Variants in EDIL3 observed in about 807,000 individuals in gnomAD.
EDIL3 encodes the protein EGF like and discoidin domains 3.
EDIL3 carries 37 observed loss-of-function variants against 67.4 expected under a neutral mutation model. That is an observed-to-expected ratio of 0.55 (90% confidence interval 0.42 to 0.72). The LOEUF is 0.72. Among genes scored for constraint, EDIL3 ranks in the 30% least tolerant of loss-of-function variants. The pLI is 0.00. For missense variants in EDIL3, 527 were observed against 586.3 expected (o/e 0.90, Z 1.04); for synonymous variants, 195 against 196.3 (o/e 0.99, Z 0.05).
intron 1 of EDIL3, among the ~76,000 whole-genome samples, chr5:84,292,979 C>T (rs1745954109): frequency 6.6e-6 from 1 of 152,136 alleles, no homozygotes; most frequent in Admixed American, 6.6e-5. Context: ...CCAGACGTTG[C>T]CTAAAGTTTC....
rs201245990 is a variant in EDIL3, at chr5:83,963,334, C to T, written c.1164G>A (p.Val388=). Residue 388 remains valine (V), a synonymous_variant, in exon 10 of 11, where the codon GTG becomes GTA. Coordinates refer to ENST00000296591, the MANE Select transcript of EDIL3 (RefSeq NM_005711.5). The stretch of plus-strand genomic sequence containing the variant: ...TAGCTCCTTGTGTAATGATGCCAGT[C>T]ACTTTGGTTGGAACAAGAAGATCCA... ...LQVDLLVPTK[V]TGIITQGAKD... The T allele has an allele frequency of 1.9e-6, 3 of 1,607,514 alleles. No homozygotes were observed. Among genetic ancestry groups the T allele is most frequent in the East Asian group, 4.5e-5 (2 of 44,484 alleles).
At chr5:84,124,097 A>C (rs1747822416) in intron 5 of EDIL3, among the ~76,000 whole-genome samples, 1 of 151,950 alleles carries the variant, frequency 6.6e-6, no homozygotes, top group Non-Finnish European at 1.5e-5. Flanking sequence ...GCCTGAACTT[A>C]TCAAATGCCC....
intron 1 of EDIL3, among the ~76,000 whole-genome samples, chr5:84,307,306 C>G (rs1444814292): frequency 6.6e-6 from 1 of 151,914 alleles, no homozygotes; most frequent in Non-Finnish European, 1.5e-5. Flanking sequence ...AAAAAAGTCA[C>G]AGTGAAGAAA....
intron 1 of EDIL3, among the ~76,000 whole-genome samples, chr5:84,285,434 C>A (rs1745790407): frequency 6.6e-6 from 1 of 152,198 alleles, no homozygotes; most frequent in South Asian, 2.1e-4. Context: ...AGAAGCATTA[C>A]TAGTTAGAAA....
At position 83,940,970 on chromosome 5, in the gene EDIL3, T is replaced by A. The variant is rs1056087633; in HGVS notation, c.*2449A>T. On this transcript the variant is annotated 3_prime_UTR_variant, in exon 11 of 11. Transcript: ENST00000296591. ...GAGATGTTTAAAAGTTTAGTTTCAT[T>A]AATTGTAAAATTAGCATGTTATATT... The A allele has an allele frequency of 3.3e-5, 5 of 152,052 alleles. No homozygotes were observed. The highest frequency in any genetic ancestry group is 1.2e-4 in the African/African-American group (5 of 41,462). 9.4% of individuals were successfully genotyped at this position (152,052 alleles called of 1,614,324 possible).
chr5:84,351,070 C>A (rs1455564413), intron 1 of EDIL3, among the ~76,000 whole-genome samples: 1 of 152,034 alleles, frequency 6.6e-6, no homozygotes, highest in African/African-American at 2.4e-5. Flanking sequence ...CATTGGACAG[C>A]ACAGCTCTAG....
At chr5:84,038,081 C>A (rs1158073245) in intron 9 of EDIL3, among the ~76,000 whole-genome samples, 1 of 145,172 alleles carries the variant, frequency 6.9e-6, no homozygotes, top group East Asian at 2.1e-4. Flanking sequence ...CAGCTCACTG[C>A]AAACTCTGCC....
At chr5:84,217,325 T>C (rs535084603) in intron 3 of EDIL3, among the ~76,000 whole-genome samples, 54 of 152,274 alleles carry the variant, frequency 3.5e-4, no homozygotes, top group African/African-American at 1.3e-3. Context: ...CTTTGGTAAA[T>C]AAAACAGTTT....
chr5:84,238,450 C>T (rs1044263743), intron 2 of EDIL3, among the ~76,000 whole-genome samples: 22 of 151,744 alleles, frequency 1.4e-4, no homozygotes, highest in African/African-American at 4.8e-4. Flanking sequence ...GAGATATTTC[C>T]GTGAAATCTG....
chr5:84,102,473 C>A (rs1580327780), intron 6 of EDIL3, among the ~76,000 whole-genome samples: 2 of 151,866 alleles, frequency 1.3e-5, no homozygotes, highest in African/African-American at 4.8e-5. Context: ...CCCGAATGAT[C>A]CTTAAGCTGA....
chr5:84,061,790 C>T (rs897362658), intron 8 of EDIL3, among the ~76,000 whole-genome samples: 1 of 152,130 alleles, frequency 6.6e-6, no homozygotes, highest in African/African-American at 2.4e-5. Flanking sequence ...CTCATCCCAA[C>T]AGATGGCAAT....
intron 1 of EDIL3, among the ~76,000 whole-genome samples, chr5:84,377,142 C>T (rs1237329039): frequency 1.3e-5 from 2 of 151,926 alleles, no homozygotes; most frequent in Non-Finnish European, 2.9e-5. Flanking sequence ...CTGGCTAACA[C>T]GGTGAAACCC....
At chr5:83,954,339 T>C (rs1744473843) in intron 10 of EDIL3, among the ~76,000 whole-genome samples, 1 of 151,742 alleles carries the variant, frequency 6.6e-6, no homozygotes, top group Non-Finnish European at 1.5e-5. Context: ...CGATCCTCAA[T>C]GTTGGAGCTG....
chr5:84,065,608 G>A (rs1172609848), intron 7 of EDIL3, among the ~76,000 whole-genome samples: 1 of 150,816 alleles, frequency 6.6e-6, no homozygotes. Context: ...TAAAATTTTC[G>A]ATGAAGAACT....
At chr5:84,173,561 T>C (rs1748849588) in intron 4 of EDIL3, among the ~76,000 whole-genome samples, 2 of 151,428 alleles carry the variant, frequency 1.3e-5, no homozygotes, top group African/African-American at 4.9e-5. Flanking sequence ...TAAAAACAGG[T>C]TAGGACAGAA....
intron 2 of EDIL3, 149 bp from the exon 3 acceptor site, chr5:84,230,033 G>C: frequency 1.6e-6 from 1 of 631,814 alleles, no homozygotes; most frequent in Non-Finnish European, 2.6e-6. Context: ...CCCCTGACTT[G>C]TAATTTTGTG....
intron 6 of EDIL3, among the ~76,000 whole-genome samples, chr5:84,077,009 G>T (rs546689272): frequency 1.3e-5 from 2 of 152,124 alleles, no homozygotes; most frequent in Non-Finnish European, 2.9e-5. Context: ...GACTTAAAAA[G>T]GATTGACATT....
At chr5:84,085,763 A>G (rs944913230) in intron 6 of EDIL3, among the ~76,000 whole-genome samples, 1 of 152,164 alleles carries the variant, frequency 6.6e-6, no homozygotes, top group African/African-American at 2.4e-5. Flanking sequence ...AGCAGGCAGG[A>G]AAGATTAAGT....
intron 1 of EDIL3, among the ~76,000 whole-genome samples, chr5:84,303,822 GTGTGTGTGTGTGTGTGTGTGTGTGTGTT>G (rs1561251082): frequency 8.3e-6 from 1 of 120,806 alleles, no homozygotes; most frequent in Non-Finnish European, 1.9e-5. Flanking sequence ...GTGTGTGTGT[GTGTGTGTGTGTGTGTGTGTGTGTGTGTT>G]TGTGTGTGTG....
Sources: gnomAD v4.1 joint callset for allele counts (sites outside exome capture counted in the v4.1 genomes callset) on GRCh38, gnomAD v4.1.1 for gene constraint, MANE v1.5 for transcripts, NCBI Gene and HGNC (gene_info 2026-07-23, HGNC 2026-07-21) for gene names.